Variants in CDK14 observed in about 807,000 individuals in gnomAD.
CDK14 encodes the protein cyclin-dependent kinase 14.
CDK14 carries 34 observed loss-of-function variants against 60.7 expected under a neutral mutation model. The ratio of observed to expected loss-of-function variants is 0.56; its 90% CI spans 0.43 to 0.75. The LOEUF (loss-of-function observed/expected upper bound fraction) is 0.75, where lower values mean the gene tolerates loss of function less well. CDK14 is among the 30% of genes least tolerant of loss of function. The probability of loss-of-function intolerance (pLI) is 0.00; values close to 1 mark genes in which losing one functional copy is unlikely to be tolerated. For synonymous variants in CDK14, 197 were observed against 203.7 expected, an observed-to-expected ratio of 0.97 and a Z score of 0.28; for missense variants, 482 against 564.1, an observed-to-expected ratio of 0.85 and a Z score of 1.47.
In CDK14 at chr7:90,902,436, C is replaced by T. The variant is rs775123274; in HGVS notation, c.702+3083C>T. On this transcript the variant is annotated intron_variant, in intron 7 of 14. Transcript: ENST00000380050. ...ACAGAAAAATGCTCAGAATAGAGAA[C>T]CCCCAAATTAATCTGCATACCTATA... Among the ~76,000 whole-genome samples the T allele has an allele frequency of 3.2e-4, 48 of 152,158 alleles. No individual in the cohort carries two copies. The Middle Eastern group carries it at 0.01, about 32-fold the overall frequency.
At chr7:90,672,262 G>C (rs1378854141) in intron 2 of CDK14, among the ~76,000 whole-genome samples, 2 of 151,930 alleles carry the variant, frequency 1.3e-5, no homozygotes, top group African/African-American at 2.4e-5. Flanking sequence ...CATTACCACG[G>C]TTTTAGAACA....
chr7:90,727,312 T>G (rs1802679818), intron 3 of CDK14, among the ~76,000 whole-genome samples: 2 of 152,258 alleles, frequency 1.3e-5, no homozygotes, highest in Non-Finnish European at 2.9e-5. Context: ...GACAAAGCCC[T>G]GTACTGAATG....
intron 5 of CDK14, among the ~76,000 whole-genome samples, chr7:90,802,437 T>C (rs1858808): frequency 0.18 from 27,863 of 152,182 alleles, 2,671 homozygotes; most frequent in South Asian, 0.23. Flanking sequence ...AATCAGACTT[T>C]AGAGATTACC....
At chr7:91,164,380 C>A (rs1230554693) in intron 14 of CDK14, among the ~76,000 whole-genome samples, 1 of 152,200 alleles carries the variant, frequency 6.6e-6, no homozygotes, top group Non-Finnish European at 1.5e-5. Flanking sequence ...ATCCTTACAA[C>A]AACCCGAAGA....
chr7:90,615,217 A>C (rs1424293783), intron 2 of CDK14, among the ~76,000 whole-genome samples: 3 of 152,206 alleles, frequency 2.0e-5, no homozygotes, highest in Non-Finnish European at 4.4e-5. Flanking sequence ...CCTAGATGAA[A>C]ATGCATCAGG....
chr7:90,780,907 G>A (rs547280852), intron 4 of CDK14, among the ~76,000 whole-genome samples: 3,296 of 151,832 alleles, frequency 0.022, 49 homozygotes, highest in African/African-American at 0.03. Context: ...TAATCCTTTG[G>A]GTATATACCC....
At chr7:91,176,740 T>C (rs986693343) in intron 14 of CDK14, among the ~76,000 whole-genome samples, 14 of 150,836 alleles carry the variant, frequency 9.3e-5, no homozygotes, top group South Asian at 2.1e-4. Context: ...ACACATACAC[T>C]CTCCCAAGAC....
intron 14 of CDK14, among the ~76,000 whole-genome samples, chr7:91,160,899 T>A (rs1188551903): frequency 1.3e-5 from 2 of 152,198 alleles, no homozygotes; most frequent in Admixed American, 1.3e-4. Context: ...CATTATATAT[T>A]TATACAATTG....
At chr7:91,131,266 T>A (rs956278354) in intron 14 of CDK14, among the ~76,000 whole-genome samples, 1 of 152,112 alleles carries the variant, frequency 6.6e-6, no homozygotes. Context: ...TTTTGCAGAA[T>A]GTCCCTCATG....
intron 2 of CDK14, among the ~76,000 whole-genome samples, chr7:90,699,180 G>A (rs1801729660): frequency 6.6e-6 from 1 of 152,216 alleles, no homozygotes; most frequent in Non-Finnish European, 1.5e-5. Flanking sequence ...AGGAGTGACT[G>A]AGAAAATGAG....
chr7:91,166,544 G>A (rs116288416), intron 14 of CDK14, among the ~76,000 whole-genome samples: 5,637 of 152,204 alleles, frequency 0.037, 323 homozygotes, highest in African/African-American at 0.13. Context: ...TATATTATTC[G>A]TATTTTATAA....
At chr7:90,901,096 A>G (rs994984658) in intron 7 of CDK14, among the ~76,000 whole-genome samples, 1 of 152,128 alleles carries the variant, frequency 6.6e-6, no homozygotes, top group African/African-American at 2.4e-5. Flanking sequence ...GTACCTCTAG[A>G]AACTGTCTCA....
At chr7:90,961,004 A>T (rs1794587676) in intron 9 of CDK14, among the ~76,000 whole-genome samples, 1 of 152,152 alleles carries the variant, frequency 6.6e-6, no homozygotes, top group South Asian at 2.1e-4. Flanking sequence ...GTGAAAGAAA[A>T]CCAAACCCAG....
At chr7:91,013,669 T>C (rs1041022651) in intron 10 of CDK14, among the ~76,000 whole-genome samples, 2 of 150,232 alleles carry the variant, frequency 1.3e-5, no homozygotes, top group Non-Finnish European at 1.5e-5. Context: ...TTTTTTTTTT[T>C]TTTTTTCTTT....
chr7:91,112,769 C>A, intron 13 of CDK14, 88 bp downstream of exon 13: 1 of 1,371,384 alleles, frequency 7.3e-7, no homozygotes, highest in Non-Finnish European at 1.0e-6. Flanking sequence ...CAGAGATTCA[C>A]ATATTTGTGT....
intron 2 of CDK14, among the ~76,000 whole-genome samples, chr7:90,690,492 T>G (rs1468963573): frequency 1.3e-5 from 2 of 152,186 alleles, no homozygotes; most frequent in African/African-American, 4.8e-5. Context: ...TGGTCAATAT[T>G]TTACTATTAA....
At chr7:90,717,927 G>A (rs1401783354) in intron 2 of CDK14, among the ~76,000 whole-genome samples, 1 of 151,822 alleles carries the variant, frequency 6.6e-6, no homozygotes, top group South Asian at 2.1e-4. Context: ...CAGCAAAGAC[G>A]GAGCTCCCCC....
At chr7:91,061,665 C>T (rs562208174) in intron 11 of CDK14, among the ~76,000 whole-genome samples, 1 of 152,248 alleles carries the variant, frequency 6.6e-6, no homozygotes, top group East Asian at 1.9e-4. Context: ...TGGAGGTCCA[C>T]TCCAGACCCT....
intron 5 of CDK14, among the ~76,000 whole-genome samples, chr7:90,801,655 G>A: frequency 6.6e-6 from 1 of 152,212 alleles, no homozygotes; most frequent in South Asian, 2.1e-4. Flanking sequence ...AGGCTGTTCT[G>A]TTGGAGTCTT....
Sources: gnomAD v4.1 joint callset for allele counts (sites outside exome capture counted in the v4.1 genomes callset) on GRCh38, gnomAD v4.1.1 for gene constraint, MANE v1.5 for transcripts, NCBI Gene and HGNC (gene_info 2026-07-23, HGNC 2026-07-21) for gene names.